The following DCC variants were observed in gnomAD, a reference collection of about 807,000 sequenced individuals.
The protein encoded by DCC is DCC netrin 1 receptor.
DCC carries 58 observed loss-of-function variants against 172.5 expected under a neutral mutation model. That is an observed-to-expected ratio of 0.34 (90% CI 0.27 to 0.42). DCC has a LOEUF of 0.42. DCC is among the 10% of genes least tolerant of loss of function. The pLI is 1.00. For synonymous variants in DCC, 709 were observed against 644.5 expected (o/e 1.10, Z -1.52); for missense variants, 1,740 against 1,791.0 (o/e 0.97, Z 0.51).
intron 1 of DCC, among the ~76,000 whole-genome samples, chr18:52,469,705 GCTTTTT>G (rs1373559277): frequency 6.6e-6 from 1 of 152,084 alleles, no homozygotes. Context: ...TCTCAATAAG[GCTTTTT>G]AATTGCTCAT....
At chr18:53,085,957 CTCTTCTTCTTCT>C (rs747047237) in intron 7 of DCC, among the ~76,000 whole-genome samples, 3 of 65,900 alleles carry the variant, frequency 4.6e-5, no homozygotes, top group East Asian at 5.4e-4. Context: ...GGAGTATTTT[CTCTTCTTCTTCT>C]TCTTCTTCTT....
rs149750703 is a variant in DCC at position 53,089,646 on chromosome 18, A to G, written c.1261+23480A>G. On this transcript the variant is annotated intron_variant, in intron 7 of 28. Coordinates refer to ENST00000442544, the MANE Select transcript of DCC (RefSeq NM_005215.4). ...ACCTTCTTTATGGGCACCTAAAAGT[A>G]CTGTGGCCCTTGACACAGTGCCTAC... is the stretch of plus-strand genomic sequence containing the variant. Among the ~76,000 whole-genome samples the G allele has an allele frequency of 1.1e-4, 16 of 152,222 alleles. No homozygotes were observed. The East Asian group carries it at 3.1e-3, about 29-fold the overall frequency.
chr18:52,688,802 TAAA>T (rs1407838004), intron 1 of DCC, among the ~76,000 whole-genome samples: 1 of 152,024 alleles, frequency 6.6e-6, no homozygotes, highest in Non-Finnish European at 1.5e-5. Flanking sequence ...AAATAAAACA[TAAA>T]GAATGCTGCA....
At chr18:53,080,224 G>T (rs533420644) in intron 7 of DCC, among the ~76,000 whole-genome samples, 1 of 152,156 alleles carries the variant, frequency 6.6e-6, no homozygotes, top group Admixed American at 6.6e-5. Flanking sequence ...GGTGGATTAG[G>T]AATTGGGGCT....
chr18:53,066,117 T>C lies in DCC; in HGVS notation c.1212T>C (p.Asn404=). 1 of 1,613,380 alleles carries C rather than the reference T, an allele frequency of 6.2e-7. No individual in the cohort carries two copies. Among genetic ancestry groups the C allele is most frequent in the African/African-American group, 1.3e-5 (1 of 74,926 alleles). ...GCTTTTATCAATGTGTGGCTGAAAA[T>C]GAGGCTGGAAATGCCCAGACCAGTG... ...DEGFYQCVAE[N]EAGNAQTSAQ... The change falls in exon 7 of 29, where the codon AAT becomes AAC. Residue 404 remains asparagine (N), a synonymous_variant. Coordinates refer to ENST00000442544, the MANE Select transcript of DCC (RefSeq NM_005215.4).
chr18:52,744,881 A>G (rs1407624274), intron 1 of DCC, among the ~76,000 whole-genome samples: 1 of 152,226 alleles, frequency 6.6e-6, no homozygotes, highest in Non-Finnish European at 1.5e-5. Context: ...AATGTGATAA[A>G]GAATACTGGA....
chr18:53,447,519 T>C (rs1468111477), intron 22 of DCC, among the ~76,000 whole-genome samples: 1 of 152,176 alleles, frequency 6.6e-6, no homozygotes, highest in African/African-American at 2.4e-5. Context: ...TGGAATATGA[T>C]GTCTTCCAGG....
At chr18:52,725,839 C>T (rs187877732) in intron 1 of DCC, among the ~76,000 whole-genome samples, 4 of 152,254 alleles carry the variant, frequency 2.6e-5, no homozygotes, top group East Asian at 3.9e-4. Context: ...ACTTGAGTCA[C>T]GCATCAAATG....
intron 12 of DCC, among the ~76,000 whole-genome samples, chr18:53,281,506 A>T (rs539787528): frequency 2.0e-5 from 3 of 152,276 alleles, no homozygotes; most frequent in Non-Finnish European, 4.4e-5. Flanking sequence ...GTCCCCAAGG[A>T]CCTTGCAGTC....
At chr18:52,821,794 T>C (rs1198943519) in intron 2 of DCC, among the ~76,000 whole-genome samples, 1 of 152,266 alleles carries the variant, frequency 6.6e-6, no homozygotes, top group Non-Finnish European at 1.5e-5. Context: ...TTTTGTATAC[T>C]CCTTGGTCTT....
chr18:53,063,289 T>C lies in DCC; in HGVS notation c.986-16T>C, dbSNP rs777045673. ...TCCCCACCCACTCACTCACTTTTTT[T>C]TTTCTGTCTTTGCAGTTCCGCCATG... On this transcript the variant is annotated splice_polypyrimidine_tract_variant and intron_variant, in intron 5 of 28. Coordinates refer to ENST00000442544, the MANE Select transcript of DCC (RefSeq NM_005215.4). 8.7e-6 allele frequency: 14 copies of C among 1,613,112 alleles called. No individual in the cohort carries two copies. The highest frequency in any genetic ancestry group is 1.7e-6 in the Non-Finnish European group (2 of 1,179,314).
At chr18:53,157,645 A>G in intron 8 of DCC, 133 bp downstream of exon 8, 2 of 869,554 alleles carry the variant, frequency 2.3e-6, no homozygotes, top group East Asian at 2.6e-5. Context: ...TCCTTCACTC[A>G]TTCCCCAGTG....
chr18:53,459,244 C>G lies in DCC; in HGVS notation c.3405C>G (p.Thr1135=), dbSNP rs1379530522. The G allele has an allele frequency of 1.2e-6, 2 of 1,614,036 alleles. No homozygotes were observed. Among genetic ancestry groups the G allele is most frequent in the Non-Finnish European group, 1.7e-6 (2 of 1,179,928 alleles). The part of the protein sequence containing the change: ...SSAQQRKKRA[T]HSAGKRKGSQ... The stretch of plus-strand genomic sequence containing the variant: ...CTTTGTTCCATAGGAAACGGGCCAC[C>G]CACAGTGCTGGCAAAAGGAAGGGCA... Residue 1135 remains threonine, a synonymous_variant, in exon 24 of 29, where the codon ACC becomes ACG. Transcript: ENST00000442544.
intron 1 of DCC, among the ~76,000 whole-genome samples, chr18:52,724,500 C>T (rs930339443): frequency 2.0e-5 from 3 of 152,112 alleles, no homozygotes; most frequent in African/African-American, 4.8e-5. Flanking sequence ...CTTACCTGTA[C>T]CTATATTTCC....
intron 3 of DCC, among the ~76,000 whole-genome samples, chr18:52,914,117 G>A (rs2040007374): frequency 6.6e-6 from 1 of 151,902 alleles, no homozygotes; most frequent in African/African-American, 2.4e-5. Context: ...TATACATCAT[G>A]AAGATTTTTG....
intron 11 of DCC, among the ~76,000 whole-genome samples, chr18:53,211,391 C>T (rs1461141262): frequency 1.3e-5 from 2 of 152,144 alleles, no homozygotes; most frequent in Non-Finnish European, 2.9e-5. Context: ...TTCTTTTATT[C>T]TATGATAAGT....
chr18:53,065,619 A>G (rs919021134), intron 6 of DCC, among the ~76,000 whole-genome samples: 20 of 152,210 alleles, frequency 1.3e-4, no homozygotes, highest in Non-Finnish European at 2.2e-4. Context: ...GTCCTTTAGA[A>G]TTCACAAATA....
intron 11 of DCC, among the ~76,000 whole-genome samples, chr18:53,210,716 TA>T (rs1175955216): frequency 3.3e-5 from 5 of 152,210 alleles, no homozygotes; most frequent in African/African-American, 1.2e-4. Flanking sequence ...AGTCTTACCA[TA>T]AAAAATATAT....
At chr18:52,979,588 A>C (rs1406266615) in intron 5 of DCC, among the ~76,000 whole-genome samples, 1 of 152,192 alleles carries the variant, frequency 6.6e-6, no homozygotes, top group Non-Finnish European at 1.5e-5. Flanking sequence ...AGTAAGGAGA[A>C]AGTAGGTTCC....
Sources: allele counts gnomAD v4.1 joint callset (sites outside exome capture counted in the v4.1 genomes callset), GRCh38; gene constraint gnomAD v4.1.1; transcripts MANE v1.5; gene names NCBI Gene and HGNC (gene_info 2026-07-23, HGNC 2026-07-21).